LHFPL6: variants seen among roughly 807,000 people sequenced by gnomAD.
The protein encoded by LHFPL6 is LHFPL tetraspan subfamily member 6.
A neutral mutation model predicts 20.6 loss-of-function variants in LHFPL6; 9 were observed. The observed-to-expected ratio is 0.44, with a 90% CI of 0.26 to 0.76. The LOEUF is 0.76. Among genes scored for constraint, LHFPL6 ranks in the 30% least tolerant of loss-of-function variants. The pLI, the probability that LHFPL6 is intolerant of heterozygous loss-of-function variation, is 0.20. For synonymous variants in LHFPL6, 105 were observed against 98.7 expected (o/e 1.06, Z -0.38); for missense variants, 218 against 253.5 (o/e 0.86, Z 0.95).
intron 2 of LHFPL6, among the ~76,000 whole-genome samples, chr13:39,478,613 A>G (rs1247796268): frequency 6.6e-6 from 1 of 152,198 alleles, no homozygotes; most frequent in Non-Finnish European, 1.5e-5. Flanking sequence ...CATTTGAATC[A>G]GTCAACTCAG....
At chr13:39,399,593 G>A (rs770942021) in intron 2 of LHFPL6, among the ~76,000 whole-genome samples, 7 of 152,224 alleles carry the variant, frequency 4.6e-5, no homozygotes, top group Non-Finnish European at 1.0e-4. Flanking sequence ...TTTAGTGGAA[G>A]AGGGAGAAGC....
At chr13:39,487,937 C>T (rs912393646) in intron 2 of LHFPL6, among the ~76,000 whole-genome samples, 2 of 152,128 alleles carry the variant, frequency 1.3e-5, no homozygotes, top group Non-Finnish European at 2.9e-5. Context: ...TTGCTATTTA[C>T]CCCAGGGAGG....
intron 2 of LHFPL6, among the ~76,000 whole-genome samples, chr13:39,488,945 CATAA>C (rs1160602811): frequency 1.3e-5 from 2 of 152,148 alleles, no homozygotes; most frequent in African/African-American, 4.8e-5. Context: ...AGGGTGTGGA[CATAA>C]ATGCCCCAAT....
intron 2 of LHFPL6, among the ~76,000 whole-genome samples, chr13:39,549,425 G>T (rs9548812): frequency 0.45 from 68,905 of 151,764 alleles, 16,687 homozygotes; most frequent in East Asian, 0.58. Context: ...GACCCTGAGT[G>T]AAATAACGAT....
chr13:39,395,851 C>T (rs1390625348), intron 2 of LHFPL6, among the ~76,000 whole-genome samples: 2 of 152,226 alleles, frequency 1.3e-5, no homozygotes, highest in East Asian at 1.9e-4. Context: ...TTTCACCCAA[C>T]TCTGAATGGC....
chr13:39,439,094 T>A (rs887831790), intron 2 of LHFPL6, among the ~76,000 whole-genome samples: 1 of 152,084 alleles, frequency 6.6e-6, no homozygotes, highest in Middle Eastern at 3.2e-3. Flanking sequence ...CCACAAAGAC[T>A]CAATGGCAAA....
chr13:39,517,776 C>T (rs1288899051), intron 2 of LHFPL6, among the ~76,000 whole-genome samples: 1 of 152,158 alleles, frequency 6.6e-6, no homozygotes, highest in Admixed American at 6.5e-5. Context: ...GATCCTTTTG[C>T]CTCAGCCTCC....
intron 2 of LHFPL6, among the ~76,000 whole-genome samples, chr13:39,489,623 C>T (rs781710000): frequency 6.6e-5 from 10 of 151,684 alleles, no homozygotes; most frequent in Admixed American, 2.0e-4. Flanking sequence ...GGCATGATCT[C>T]GGCTCACTGC....
At chr13:39,355,421 T>C (rs140486465) in intron 3 of LHFPL6, among the ~76,000 whole-genome samples, 1 of 152,284 alleles carries the variant, frequency 6.6e-6, no homozygotes, top group East Asian at 1.9e-4. Context: ...TAGTACCTGA[T>C]ACCACAAAAA....
chr13:39,343,106 T>C lies in LHFPL6; in HGVS notation c.*830A>G, dbSNP rs1349301476. On this transcript the variant is annotated 3_prime_UTR_variant, in exon 4 of 4. Transcript: ENST00000379589. ...CTATAGTGGACAGAAAGTTGCCCCTTTTCTTCATAAGAATATCATAGCAGA... is the reference window on the plus strand; with the variant it reads ...CTATAGTGGACAGAAAGTTGCCCCTCTTCTTCATAAGAATATCATAGCAGA... The C allele has an allele frequency of 4.9e-6, 1 of 202,716 alleles. No homozygotes were observed. The highest frequency in any genetic ancestry group is 1.0e-5 in the Non-Finnish European group (1 of 98,328). The allele number at this position is 202,716 out of a possible 1,614,324, so 12.6% of individuals were successfully genotyped here.
At chr13:39,361,788 A>C (rs1202551444) in intron 3 of LHFPL6, among the ~76,000 whole-genome samples, 1 of 152,236 alleles carries the variant, frequency 6.6e-6, no homozygotes, top group South Asian at 2.1e-4. Flanking sequence ...TCTGTAGATT[A>C]GATAATAGCA....
intron 3 of LHFPL6, among the ~76,000 whole-genome samples, chr13:39,368,764 A>G (rs1192693433): frequency 6.6e-6 from 1 of 152,254 alleles, no homozygotes; most frequent in East Asian, 1.9e-4. Flanking sequence ...TAACTGTGAC[A>G]TAAAACAATT....
intron 2 of LHFPL6, among the ~76,000 whole-genome samples, chr13:39,452,742 A>G (rs1208184732): frequency 1.3e-5 from 2 of 152,262 alleles, no homozygotes; most frequent in African/African-American, 4.8e-5. Flanking sequence ...AGCCGCAAGA[A>G]TAATGGCCAA....
At chr13:39,368,562 C>G (rs1374221059) in intron 3 of LHFPL6, among the ~76,000 whole-genome samples, 2 of 152,062 alleles carry the variant, frequency 1.3e-5, no homozygotes, top group African/African-American at 4.8e-5. Flanking sequence ...AGCCTGGCAA[C>G]AGAGTGAGAC....
At chr13:39,566,546 G>A (rs367922614) in intron 2 of LHFPL6, among the ~76,000 whole-genome samples, 4 of 151,782 alleles carry the variant, frequency 2.6e-5, no homozygotes. Flanking sequence ...TTTGAGACGA[G>A]CCTAGGCAAC....
intron 2 of LHFPL6, among the ~76,000 whole-genome samples, chr13:39,559,506 G>A (rs1170683598): frequency 3.9e-5 from 6 of 152,178 alleles, no homozygotes; most frequent in Admixed American, 2.0e-4. Context: ...GCGGAGCTCC[G>A]TAAGCCCCAC....
intron 2 of LHFPL6, among the ~76,000 whole-genome samples, chr13:39,550,114 G>A (rs1871104357): frequency 6.6e-6 from 1 of 152,054 alleles, no homozygotes; most frequent in Non-Finnish European, 1.5e-5. Context: ...TATTTTAAAG[G>A]GGAAATTGTA....
intron 2 of LHFPL6, among the ~76,000 whole-genome samples, chr13:39,465,515 C>T (rs12873765): frequency 0.16 from 23,733 of 152,024 alleles, 3,458 homozygotes; most frequent in East Asian, 0.51. Context: ...AGACTCCCAC[C>T]GTCTTCAGAT....
chr13:39,509,373 T>C (rs572035712), intron 2 of LHFPL6, among the ~76,000 whole-genome samples: 1 of 152,282 alleles, frequency 6.6e-6, no homozygotes, highest in South Asian at 2.1e-4. Context: ...CACGAGGTCA[T>C]AAATATTTCC....
Sources: allele counts gnomAD v4.1 joint callset (sites outside exome capture counted in the v4.1 genomes callset), GRCh38; gene constraint gnomAD v4.1.1; transcripts MANE v1.5; gene names NCBI Gene and HGNC (gene_info 2026-07-23, HGNC 2026-07-21).